Variants in IGF2R observed in about 807,000 individuals in gnomAD.
The protein encoded by IGF2R is insulin like growth factor 2 receptor, also known as cation-independent mannose-6-phosphate receptor.
IGF2R carries 91 observed loss-of-function variants against 270.6 expected under a neutral mutation model. The ratio of observed to expected loss-of-function variants is 0.34; its 90% CI spans 0.28 to 0.40. The LOEUF (loss-of-function observed/expected upper bound fraction) is 0.40. Ranked by LOEUF, IGF2R falls within the 10% of genes least tolerant of loss-of-function variation. The pLI is 1.00. For missense variants in IGF2R, 2,805 were observed against 3,188.3 expected, an observed-to-expected ratio of 0.88 and a Z score of 2.90; for synonymous variants, 1,316 against 1,258.9, an observed-to-expected ratio of 1.05 and a Z score of -0.96.
At chr6:160,047,768 C>T (rs746948038) in intron 16 of IGF2R, 24 bp from the exon 17 acceptor site, 1 of 1,412,992 alleles carries the variant, frequency 7.1e-7, no homozygotes, top group Admixed American at 1.7e-5. Flanking sequence ...TTTGCCATCC[C>T]TCCGCGCATC....
intron 11 of IGF2R, among the ~76,000 whole-genome samples, chr6:160,042,587 C>G (rs1777969350): frequency 6.6e-6 from 1 of 152,204 alleles, no homozygotes; most frequent in Non-Finnish European, 1.5e-5. Context: ...TCTGATCACA[C>G]TGACCAGCTC....
At chr6:160,057,363 C>T (rs1028223089) in intron 20 of IGF2R, among the ~76,000 whole-genome samples, 1 of 152,214 alleles carries the variant, frequency 6.6e-6, no homozygotes. Flanking sequence ...TATGGTGGGA[C>T]CTGTTTGCCT....
Position 160,012,763 on chromosome 6 carries a change from ATTTTTTTTTTTTTTTG to A in IGF2R, c.513+1982_513+1997del, listed in dbSNP as rs1160312466. Among the ~76,000 whole-genome samples, 21 of 128,058 alleles carry A rather than the reference ATTTTTTTTTTTTTTTG, an allele frequency of 1.6e-4. 2 individuals are homozygous for A. The highest frequency in any genetic ancestry group is 8.3e-4 in the Admixed American group (10 of 12,098). 84.0% of individuals were successfully genotyped at this position (128,058 alleles called of 152,430 possible). ...GGCTAATTTATATATATATATATAT[ATTTTTTTTTTTTTTTG>A]TTTGTTTGTTTGTTTATTTGTTTGT... On this transcript the variant is annotated intron_variant, in intron 4 of 47. Transcript: ENST00000356956.
chr6:160,056,275 T>C, intron 19 of IGF2R, 149 bp from the exon 20 acceptor site: 2 of 634,726 alleles, frequency 3.2e-6, no homozygotes, highest in Non-Finnish European at 5.8e-6. Context: ...TCTAATTAGG[T>C]AATGCACATT....
At chr6:160,095,160 G>A (rs905988181) in intron 44 of IGF2R, 1 of 152,130 alleles carries the variant, frequency 6.6e-6, no homozygotes, top group African/African-American at 2.4e-5. Context: ...GTGCAGTGTT[G>A]ACTATTCAAA....
Position 160,108,718 on chromosome 6 carries a change from C to T in IGF2R, c.*3634C>T, listed in dbSNP as rs1161877828. The T allele has an allele frequency of 3.3e-5, 5 of 151,952 alleles. No individual in the cohort carries two copies. The highest frequency in any genetic ancestry group is 1.2e-4 in the African/African-American group (5 of 41,358). 9.4% of individuals were successfully genotyped at this position (151,952 alleles called of 1,614,324 possible). ...CTTTCTTTCGAGATGGAGTCTCGCT[C>T]TGTTGCCAGGCTGGAGTGCAGTGGC... On this transcript the variant is annotated 3_prime_UTR_variant, in exon 48 of 48. Coordinates refer to ENST00000356956, the MANE Select transcript of IGF2R (RefSeq NM_000876.4).
chr6:160,063,626 G>C lies in IGF2R; in HGVS notation c.3882G>C (p.Val1294=). 1.9e-6 allele frequency: 3 copies of C among 1,611,794 alleles called. No individual in the cohort carries two copies. The highest frequency in any genetic ancestry group is 1.3e-5 in the African/African-American group (1 of 74,978). Residue 1294 remains valine (V), a synonymous_variant, in exon 27 of 48, where the codon GTG becomes GTC. Coordinates refer to ENST00000356956, the MANE Select transcript of IGF2R (RefSeq NM_000876.4). ...GGGAACCGCAGGGATTTCACAAAGT[G>C]GCAGGTACCATTGTTTGTCGTTTTC... ...EKREPQGFHK[V]AGLLTQKLTY... is the part of the protein sequence containing the mutation.
At chr6:160,003,083 G>A (rs1014009698) in intron 2 of IGF2R, among the ~76,000 whole-genome samples, 11 of 152,154 alleles carry the variant, frequency 7.2e-5, no homozygotes, top group African/African-American at 1.9e-4. Context: ...CAGTGAGTCC[G>A]ACTGTAGTTG....
intron 39 of IGF2R, among the ~76,000 whole-genome samples, chr6:160,082,863 G>C (rs181940105): frequency 2.1e-4 from 32 of 152,186 alleles, no homozygotes; most frequent in Non-Finnish European, 4.1e-4. Context: ...GTGCAGGAAC[G>C]TGCCCTGGTG....
At chr6:160,012,773 T>G (rs868709183) in intron 4 of IGF2R, among the ~76,000 whole-genome samples, 4 of 125,644 alleles carry the variant, frequency 3.2e-5, no homozygotes, top group African/African-American at 1.1e-4. Context: ...ATTTTTTTTT[T>G]TTTTTGTTTG....
intron 2 of IGF2R, among the ~76,000 whole-genome samples, chr6:159,997,838 A>G (rs1430652774): frequency 6.6e-6 from 1 of 152,212 alleles, no homozygotes; most frequent in Non-Finnish European, 1.5e-5. Flanking sequence ...GTCATTTTGC[A>G]TGGAAATTGC....
At position 160,102,496 on chromosome 6, in the gene IGF2R, C is replaced by T. The variant is rs542915379; in HGVS notation, c.6843-23C>T. On this transcript the variant is annotated intron_variant, in intron 45 of 47. Transcript: ENST00000356956. This position sits in a 1 kb window ranked among gnomAD's most constrained non-coding sequence, Gnocchi z 4.5. ...AGCAGGACCACCCTGTGACACGGCT[C>T]CTTTTCTGTGACGTCCTTGCAGGGT... The T allele has an allele frequency of 6.2e-7, 1 of 1,605,668 alleles. No homozygotes were observed. Among genetic ancestry groups the T allele is most frequent in the South Asian group, 1.1e-5 (1 of 90,690 alleles).
At chr6:160,048,059 C>A in intron 17 of IGF2R, 152 bp downstream of exon 17, 1 of 673,796 alleles carries the variant, frequency 1.5e-6, no homozygotes, top group Non-Finnish European at 2.7e-6. Context: ...AGAGTGAATT[C>A]TAATAACTGT....
At position 160,111,253 on chromosome 6, in the gene IGF2R, A is replaced by G. The variant is rs917059354; in HGVS notation, c.*6169A>G. 4.0e-5 allele frequency: 6 copies of G among 151,826 alleles called. No individual in the cohort carries two copies. Among genetic ancestry groups the G allele is most frequent in the African/African-American group, 1.5e-4 (6 of 41,332 alleles). The allele number at this position is 151,826 out of a possible 1,614,324, so 9.4% of individuals were successfully genotyped here. A position where few individuals can be genotyped will look rare whatever the true frequency, so the allele number is the denominator to read the frequency against. On this transcript the variant is annotated 3_prime_UTR_variant, in exon 48 of 48. Transcript: ENST00000356956. ...TTACATGCGGTTTTTTTTTTCTGTAAAAGTTACACCCGATGCGTCAGCCCC... is the reference window on the plus strand; with the variant it reads ...TTACATGCGGTTTTTTTTTTCTGTAGAAGTTACACCCGATGCGTCAGCCCC...
At chr6:160,016,241 A>G (rs1267689424) in intron 4 of IGF2R, among the ~76,000 whole-genome samples, 1 of 151,924 alleles carries the variant, frequency 6.6e-6, no homozygotes, top group Non-Finnish European at 1.5e-5. Context: ...TCTTTTTACC[A>G]TGTGGGCTCT....
intron 29 of IGF2R, among the ~76,000 whole-genome samples, chr6:160,065,812 G>GTATATATATATATATA (rs1456196890): frequency 5.8e-5 from 4 of 69,358 alleles, no homozygotes; most frequent in African/African-American, 1.3e-4. Flanking sequence ...GTGTGTGTGT[G>GTATATATATATATATA]TGTATATATA....
intron 4 of IGF2R, among the ~76,000 whole-genome samples, chr6:160,017,475 CAGG>C (rs1284070802): frequency 6.6e-6 from 1 of 152,116 alleles, no homozygotes; most frequent in Non-Finnish European, 1.5e-5. Flanking sequence ...TTTAGTTTAG[CAGG>C]AGATCTAGAC....
chr6:160,019,151 G>C (rs376941499), intron 4 of IGF2R, among the ~76,000 whole-genome samples: 3 of 152,240 alleles, frequency 2.0e-5, no homozygotes, highest in Admixed American at 6.5e-5. Flanking sequence ...AGAGACTTCT[G>C]TGAACATCTG....
At chr6:159,987,310 G>A (rs1783903229) in intron 1 of IGF2R, among the ~76,000 whole-genome samples, 1 of 152,146 alleles carries the variant, frequency 6.6e-6, no homozygotes, top group African/African-American at 2.4e-5. Context: ...ATAGTTTTTG[G>A]AATATTCTTC....
Sources: allele counts gnomAD v4.1 joint callset (sites outside exome capture counted in the v4.1 genomes callset), GRCh38; gene constraint gnomAD v4.1.1; non-coding constraint Gnocchi (gnomAD v3.1); transcripts MANE v1.5; gene names NCBI Gene and HGNC (gene_info 2026-07-23, HGNC 2026-07-21).